The following RMDN2 variants were observed in gnomAD, a reference collection of about 807,000 sequenced individuals.
The protein encoded by RMDN2 is regulator of microtubule dynamics protein 2.
Under a neutral mutation model 52.8 loss-of-function variants are expected in RMDN2, and 61 were observed. That is an observed-to-expected ratio of 1.16 (90% confidence interval 0.94 to 1.43). RMDN2 has a LOEUF of 1.43. Among genes scored for constraint, RMDN2 ranks in the 40% most tolerant of loss-of-function variants. The pLI is 0.00. For synonymous variants in RMDN2, 180 were observed against 153.1 expected, an observed-to-expected ratio of 1.18 and a Z score of -1.30; for missense variants, 592 against 475.3, an observed-to-expected ratio of 1.25 and a Z score of -2.28.
At chr2:38,062,732 G>A (rs913268047) in intron 10 of RMDN2, among the ~76,000 whole-genome samples, 19 of 151,060 alleles carry the variant, frequency 1.3e-4, no homozygotes, top group Admixed American at 9.2e-4. Flanking sequence ...TTGTCATTTA[G>A]CATTAGGTAT....
At chr2:38,054,047 C>G (rs1681747672) in intron 10 of RMDN2, among the ~76,000 whole-genome samples, 1 of 152,164 alleles carries the variant, frequency 6.6e-6, no homozygotes, top group African/African-American at 2.4e-5. Context: ...GATTACTGTA[C>G]TCACCTCATT....
chr2:37,964,417 C>T (rs1163697635), intron 2 of RMDN2, among the ~76,000 whole-genome samples: 1 of 152,204 alleles, frequency 6.6e-6, no homozygotes, highest in Admixed American at 6.5e-5. Flanking sequence ...TTCTTATTTG[C>T]CTTGTGATTG....
chr2:37,972,241 G>T (rs1402489459), intron 2 of RMDN2, among the ~76,000 whole-genome samples: 1 of 151,942 alleles, frequency 6.6e-6, no homozygotes. Flanking sequence ...AAAATTTGTA[G>T]AATTTTTATT....
chr2:37,971,289 T>C (rs944147283), intron 2 of RMDN2, among the ~76,000 whole-genome samples: 1 of 152,158 alleles, frequency 6.6e-6, no homozygotes, highest in South Asian at 2.1e-4. Context: ...GTTCCTTTTT[T>C]GCATTTGCTT....
Position 38,063,222 on chromosome 2 carries a change from A to G in RMDN2, c.1714-3760A>G, listed in dbSNP as rs551894299. 4.5e-3 allele frequency among the ~76,000 whole-genome samples: 686 copies of G among 152,318 alleles called. 11 individuals carry two copies. Among genetic ancestry groups the G allele is most frequent in the African/African-American group, 0.015 (635 of 41,570 alleles). On this transcript the variant is annotated intron_variant, in intron 10 of 10. Coordinates refer to the RMDN2 transcript ENST00000234195. ...ACTTCTACAACGGTTGAACTAGTTT[A>G]CAGTCCCACCAACAGTGTAAAAGTG...
chr2:37,933,220 C>T (rs1055196249), intron 2 of RMDN2, among the ~76,000 whole-genome samples: 2 of 150,566 alleles, frequency 1.3e-5, no homozygotes, highest in African/African-American at 2.5e-5. Context: ...TGATGGTGGC[C>T]GGGAAGAGGC....
intron 8 of RMDN2, among the ~76,000 whole-genome samples, chr2:38,002,506 T>C (rs1239597306): frequency 6.6e-6 from 1 of 152,258 alleles, no homozygotes; most frequent in African/African-American, 2.4e-5. Flanking sequence ...GTAGATTTTC[T>C]ATCAATGTGC....
intron 2 of RMDN2, among the ~76,000 whole-genome samples, chr2:37,955,803 G>T (rs1176178661): frequency 6.6e-6 from 1 of 151,998 alleles, no homozygotes; most frequent in African/African-American, 2.4e-5. Context: ...TCCCAGTCTC[G>T]GGTATGTCTT....
At chr2:38,059,839 A>G (rs1573253601) in intron 10 of RMDN2, among the ~76,000 whole-genome samples, 1 of 152,048 alleles carries the variant, frequency 6.6e-6, no homozygotes. Flanking sequence ...ACTGAAGAAG[A>G]AGGACAGGGT....
chr2:38,025,000 T>A (rs1679671876), intron 10 of RMDN2, among the ~76,000 whole-genome samples: 1 of 152,138 alleles, frequency 6.6e-6, no homozygotes, highest in Non-Finnish European at 1.5e-5. Flanking sequence ...TTTGGACTGC[T>A]CTAGGTTATT....
chr2:37,996,395 G>A (rs1486033974), intron 7 of RMDN2, among the ~76,000 whole-genome samples: 2 of 151,842 alleles, frequency 1.3e-5, no homozygotes. Context: ...GACCAGCCTG[G>A]ACAATATAGG....
intron 10 of RMDN2, among the ~76,000 whole-genome samples, chr2:38,060,735 A>T (rs1399143435): frequency 6.6e-6 from 1 of 152,092 alleles, no homozygotes; most frequent in African/African-American, 2.4e-5. Flanking sequence ...ATATGACCTG[A>T]CTTGTGGGGT....
At chr2:38,035,626 TA>T (rs1680522446) in intron 10 of RMDN2, among the ~76,000 whole-genome samples, 1 of 152,072 alleles carries the variant, frequency 6.6e-6, no homozygotes, top group African/African-American at 2.4e-5. Flanking sequence ...CTAATACACA[TA>T]AAAATGTATA....
At position 37,958,363 on chromosome 2, in the gene RMDN2, C is replaced by A. The variant is rs1234434476; in HGVS notation, c.453-15677C>A. On this transcript the variant is annotated intron_variant, in intron 2 of 10. Transcript: ENST00000354545. The stretch of plus-strand genomic sequence containing the variant: ...TTCTTCTTGAAGAAGTCCTTCACAT[C>A]CCCTCTAAGTTGTATTCCTAGGTAT... 9.0e-5 allele frequency among the ~76,000 whole-genome samples: 13 copies of A among 143,836 alleles called. No individual in the cohort carries two copies. In the East Asian group the frequency reaches 2.3e-3, roughly 26 times the overall value. The allele number at this position is 143,836 out of a possible 152,430, so 94.4% of individuals were successfully genotyped here.
At chr2:38,053,963 C>T (rs562301542) in intron 10 of RMDN2, among the ~76,000 whole-genome samples, 325 of 152,266 alleles carry the variant, frequency 2.1e-3, no homozygotes, top group Non-Finnish European at 3.5e-3. Context: ...CTACCAAGAA[C>T]GACTCATTGG....
intron 10 of RMDN2, among the ~76,000 whole-genome samples, chr2:38,061,101 C>T (rs1682026376): frequency 1.3e-5 from 2 of 152,106 alleles, no homozygotes; most frequent in South Asian, 4.2e-4. Context: ...TATGTTAGTT[C>T]CAAGAGCCTG....
chr2:37,994,468 C>T (rs888007430), intron 7 of RMDN2, among the ~76,000 whole-genome samples: 12 of 152,036 alleles, frequency 7.9e-5, no homozygotes, highest in African/African-American at 2.9e-4. Flanking sequence ...CCAATTATAG[C>T]CATAAAATTA....
At chr2:38,020,801 T>C (rs1679302258), downstream of RMDN2, among the ~76,000 whole-genome samples, 1 of 150,230 alleles carries the variant, frequency 6.7e-6, no homozygotes. Flanking sequence ...CCCCGCCTCC[T>C]TGGGCTCCTG....
intron 10 of RMDN2, among the ~76,000 whole-genome samples, chr2:38,006,278 A>G (rs961583655): frequency 8.1e-4 from 124 of 152,224 alleles, no homozygotes; most frequent in African/African-American, 2.9e-3. Flanking sequence ...CATTGAATCT[A>G]TAAATTACCT....
Sources: gnomAD v4.1 joint callset for allele counts (sites outside exome capture counted in the v4.1 genomes callset) on GRCh38, gnomAD v4.1.1 for gene constraint, MANE v1.5 for transcripts, NCBI Gene and HGNC (gene_info 2026-07-23, HGNC 2026-07-21) for gene names.